SPANXN3: variants seen among roughly 807,000 people sequenced by gnomAD.
SPANXN3 encodes SPANX family member N3, also known as sperm protein associated with the nucleus on the X chromosome N3.
SPANXN3 carries 1 observed loss-of-function variant against 1.9 expected under a neutral mutation model. The observed-to-expected ratio is 0.54, with a 90% CI of 0.19 to 2.54. SPANXN3 has a LOEUF of 2.54. SPANXN3 is among the 30% of genes most tolerant of loss of function. The pLI, the probability that SPANXN3 is intolerant of heterozygous loss-of-function variation, is 0.24. For synonymous variants in SPANXN3, 47 were observed against 40.0 expected (o/e 1.17, Z -0.66); for missense variants, 113 against 96.2 (o/e 1.17, Z -0.73).
At chrX:143,513,127 T>C (rs1192886154) in intron 1 of SPANXN3, among the ~76,000 whole-genome samples, 3 of 111,941 alleles carry the variant, frequency 2.7e-5, no homozygotes, top group Admixed American at 9.4e-5. Context: ...GGGTTACTTC[T>C]GGCTGTCAGT....
In SPANXN3 at chrX:143,509,911, C is replaced by T. The variant is rs782215303; in HGVS notation, c.79-749G>A. ...AACACTTTGGTGCCAAAACCCAGGA[C>T]GGTGATTGGGTTCTAATGGGTAAGT... On this transcript the variant is annotated intron_variant, in intron 1 of 1. Transcript: ENST00000370503. Among the ~76,000 whole-genome samples the T allele has an allele frequency of 8.1e-5, 9 of 111,092 alleles. No homozygotes were observed. In the South Asian group the frequency reaches 1.2e-3, roughly 14 times the overall value.
At chrX:143,509,387 T>C (rs1406896505) in intron 1 of SPANXN3, among the ~76,000 whole-genome samples, 1 of 111,274 alleles carries the variant, frequency 9.0e-6, no homozygotes, top group Non-Finnish European at 1.9e-5. Flanking sequence ...AAGTTTTTGC[T>C]ATGTTGCAGA....
At position 143,517,349 on chromosome X, in the gene SPANXN3, T is replaced by C. The variant is rs1346587215; in HGVS notation, c.43A>G (p.Ser15Gly). The change falls in exon 1 of 2, where the codon AGC becomes GGC. Residue 15 changes from serine to glycine, a missense_variant. By Grantham distance (56) the Ser-to-Gly change is moderately conservative. Coordinates refer to ENST00000370503, the MANE Select transcript of SPANXN3 (RefSeq NM_001009609.4). Reference sequence around the variant, plus strand: ...TTTTTGTTATTGGATTCACAGGGGCTCTTCGTCTTCTCCCCATTGGTGCTG... The same window carrying C: ...TTTTTGTTATTGGATTCACAGGGGCCCTTCGTCTTCTCCCCATTGGTGCTG... ...TSSTNGEKTK[S>G]PCESNNKKND... The C allele has an allele frequency of 4.1e-6, 5 of 1,209,586 alleles. No individual in the cohort carries two copies. In the African/African-American group the frequency reaches 5.3e-5, roughly 13 times the overall value.
At position 143,508,939 on chromosome X, in the gene SPANXN3, T is replaced by A. The variant is rs1556411239; in HGVS notation, c.302A>T (p.Asp101Val). The change falls in exon 2 of 2, where the codon GAC (aspartate) becomes GTC (valine). Residue 101 changes from aspartate to valine, a missense_variant. Asp to Val is a radical substitution (Grantham distance 152, BLOSUM62 -3). Coordinates refer to ENST00000370503, the MANE Select transcript of SPANXN3 (RefSeq NM_001009609.4). Reference protein sequence around the residue: ...LSEGSSNEDEDLGPCEGPSKE... With the variant: ...LSEGSSNEDEVLGPCEGPSKE... ...TGAAGGTCCTTCACATGGGCCTAGG[T>A]CTTCATCCTCATTTGAAGATCCTTC... is the stretch of plus-strand genomic sequence containing the variant. The A allele has an allele frequency of 1.7e-6, 2 of 1,211,675 alleles. No homozygotes were observed. Among genetic ancestry groups the A allele is most frequent in the South Asian group, 3.5e-5 (2 of 56,976 alleles).
chrX:143,511,025 GAAAA>G (rs1929079491), intron 1 of SPANXN3, among the ~76,000 whole-genome samples: 3 of 112,011 alleles, frequency 2.7e-5, no homozygotes, highest in Non-Finnish European at 5.6e-5. Context: ...CTCCCATACT[GAAAA>G]GAGACTTTGC....
intron 1 of SPANXN3, among the ~76,000 whole-genome samples, chrX:143,517,081 T>C (rs1556412750): frequency 9.0e-6 from 1 of 111,129 alleles, no homozygotes; most frequent in African/African-American, 3.3e-5. Flanking sequence ...CCAAACAGCC[T>C]GATCATAAAA....
chrX:143,513,939 G>A (rs1929155673), intron 1 of SPANXN3, among the ~76,000 whole-genome samples: 1 of 112,269 alleles, frequency 8.9e-6, no homozygotes, highest in African/African-American at 3.2e-5. Flanking sequence ...AAGGGAAAGA[G>A]GGTCAACATT....
intron 1 of SPANXN3, among the ~76,000 whole-genome samples, chrX:143,512,501 G>A (rs1294441738): frequency 1.8e-5 from 2 of 111,249 alleles, no homozygotes; most frequent in East Asian, 2.8e-4. Context: ...AAAGACAGAC[G>A]GGACTTACCC....
Position 143,508,897 on chromosome X carries a change from A to G in SPANXN3, c.344T>C (p.Leu115Pro). The change falls in exon 2 of 2, where the codon CTA becomes CCA. Residue 115 changes from leucine (L) to proline (P), a missense_variant. Physicochemically the swap from Leu to Pro is moderately conservative, Grantham distance 98. Transcript: ENST00000370503. ...CEGPSKEDKD[L>P]DSSEGSSQED... is the part of the protein sequence containing the mutation. ...CTGTGAGGATCCTTCAGATGAGTCT[A>G]GATCTTTGTCCTCCTTTGAAGGTCC... The G allele has an allele frequency of 8.3e-7, 1 of 1,211,726 alleles. No individual in the cohort carries two copies.
chrX:143,512,503 G>A (rs782041888), intron 1 of SPANXN3, among the ~76,000 whole-genome samples: 2 of 111,239 alleles, frequency 1.8e-5, no homozygotes, highest in South Asian at 7.6e-4. Flanking sequence ...AGACAGACGG[G>A]ACTTACCCCT....
At chrX:143,514,921 T>C (rs1929178094) in intron 1 of SPANXN3, among the ~76,000 whole-genome samples, 1 of 111,496 alleles carries the variant, frequency 9.0e-6, no homozygotes, top group Non-Finnish European at 1.9e-5. Context: ...TATGAGTCAT[T>C]TCCCAAAAGC....
intron 1 of SPANXN3, among the ~76,000 whole-genome samples, chrX:143,515,405 C>T (rs1305819430): frequency 5.4e-5 from 6 of 111,379 alleles, no homozygotes; most frequent in African/African-American, 2.0e-4. Context: ...ATAACACTCT[C>T]TGTCTCCAAT....
chrX:143,509,363 C>G (rs1307166436), intron 1 of SPANXN3, among the ~76,000 whole-genome samples: 4 of 111,143 alleles, frequency 3.6e-5, no homozygotes, highest in African/African-American at 1.3e-4. Context: ...TTAGTCCAAA[C>G]TGCATGATTT....
intron 1 of SPANXN3, among the ~76,000 whole-genome samples, chrX:143,515,061 A>G (rs1484013305): frequency 9.1e-6 from 1 of 110,387 alleles, no homozygotes. Flanking sequence ...CTAATAAGAC[A>G]GTACACAAAT....
At chrX:143,512,216 C>T (rs1309645419) in intron 1 of SPANXN3, among the ~76,000 whole-genome samples, 3 of 110,005 alleles carry the variant, frequency 2.7e-5, no homozygotes, top group Non-Finnish European at 5.7e-5. Flanking sequence ...ACTCCGACAC[C>T]CAAACGCTTC....
intron 1 of SPANXN3, among the ~76,000 whole-genome samples, chrX:143,515,331 C>T (rs1200948646): frequency 9.0e-6 from 1 of 111,602 alleles, no homozygotes; most frequent in Non-Finnish European, 1.9e-5. Flanking sequence ...CCTTCCCCGA[C>T]AGGACCAACC....
At chrX:143,511,829 C>T (rs1189766446) in intron 1 of SPANXN3, among the ~76,000 whole-genome samples, 1 of 111,156 alleles carries the variant, frequency 9.0e-6, no homozygotes, top group Non-Finnish European at 1.9e-5. Flanking sequence ...CTAGCTTCAC[C>T]ACCTGTACCT....
At position 143,515,440 on chromosome X, in the gene SPANXN3, A is replaced by C. The variant is rs182592570; in HGVS notation, c.78+1874T>G. On this transcript the variant is annotated intron_variant, in intron 1 of 1. Coordinates refer to ENST00000370503, the MANE Select transcript of SPANXN3 (RefSeq NM_001009609.4). ...TTTCCAATCTTTTATCTCCTACTTT[A>C]TTTCAGATCTTTCCTGGCTACCCTT... Among the ~76,000 whole-genome samples the C allele has an allele frequency of 1.1e-3, 117 of 111,016 alleles. 1 individual carries two copies. Among genetic ancestry groups the C allele is most frequent in the South Asian group, 1.9e-3 (5 of 2,578 alleles).
At chrX:143,513,951 A>G (rs1929156020) in intron 1 of SPANXN3, among the ~76,000 whole-genome samples, 2 of 112,055 alleles carry the variant, frequency 1.8e-5, no homozygotes, top group Admixed American at 1.9e-4. Flanking sequence ...GTCAACATTT[A>G]CACCCATTCC....
Sources: allele counts gnomAD v4.1 joint callset (sites outside exome capture counted in the v4.1 genomes callset), GRCh38; gene constraint gnomAD v4.1.1; transcripts MANE v1.5; gene names NCBI Gene and HGNC (gene_info 2026-07-23, HGNC 2026-07-21).